The following PDGFD variants were observed in gnomAD, a reference collection of about 807,000 sequenced individuals.
PDGFD encodes platelet derived growth factor D.
Under a neutral mutation model 44.7 loss-of-function variants are expected in PDGFD, and 30 were observed. The observed-to-expected ratio is 0.67, with a 90% CI of 0.50 to 0.91. PDGFD has a LOEUF of 0.91. Ranked by LOEUF, PDGFD falls within the 40% of genes least tolerant of loss-of-function variation. The probability of loss-of-function intolerance (pLI) is 0.00; values close to 1 mark genes in which losing one functional copy is unlikely to be tolerated. For synonymous variants in PDGFD, 173 were observed against 168.4 expected (o/e 1.03, Z -0.21); for missense variants, 445 against 457.8 (o/e 0.97, Z 0.25).
At chr11:104,120,713 G>T (rs1233606745) in intron 1 of PDGFD, among the ~76,000 whole-genome samples, 1 of 151,706 alleles carries the variant, frequency 6.6e-6, no homozygotes. Context: ...CCTGCAGGGG[G>T]CCCTCCATTC....
chr11:104,117,071 T>C (rs11226177), intron 1 of PDGFD, among the ~76,000 whole-genome samples: 19,822 of 151,856 alleles, frequency 0.13, 1,426 homozygotes, highest in East Asian at 0.29. Context: ...GCAGGGATGG[T>C]TTAACATATG....
At chr11:103,960,209 A>C (rs114473927) in intron 3 of PDGFD, among the ~76,000 whole-genome samples, 1 of 152,220 alleles carries the variant, frequency 6.6e-6, no homozygotes, top group Non-Finnish European at 1.5e-5. Flanking sequence ...TGCCAAAAAA[A>C]GGATAAACTG....
chr11:103,956,639 T>C (rs1426124925), intron 3 of PDGFD, among the ~76,000 whole-genome samples: 1 of 152,012 alleles, frequency 6.6e-6, no homozygotes, highest in East Asian at 1.9e-4. Context: ...ATCGCCACAC[T>C]GACTTCCACA....
intron 1 of PDGFD, among the ~76,000 whole-genome samples, chr11:104,128,356 C>T (rs1159570674): frequency 6.6e-6 from 1 of 152,076 alleles, no homozygotes; most frequent in Non-Finnish European, 1.5e-5. Flanking sequence ...GAAATTTGTG[C>T]CCAAACACAG....
At chr11:104,094,929 C>T (rs1471439269) in intron 1 of PDGFD, among the ~76,000 whole-genome samples, 1 of 152,114 alleles carries the variant, frequency 6.6e-6, no homozygotes, top group East Asian at 1.9e-4. Flanking sequence ...CATGATGTGA[C>T]CCCTGCTAGG....
At chr11:104,034,411 T>C (rs762375972) in intron 1 of PDGFD, among the ~76,000 whole-genome samples, 1 of 152,174 alleles carries the variant, frequency 6.6e-6, no homozygotes, top group Non-Finnish European at 1.5e-5. Flanking sequence ...GAGCGAGACA[T>C]AGTCTTCCAT....
intron 3 of PDGFD, among the ~76,000 whole-genome samples, chr11:103,952,638 A>T (rs1029894334): frequency 6.6e-6 from 1 of 152,142 alleles, no homozygotes; most frequent in African/African-American, 2.4e-5. Context: ...TACAGTTAGG[A>T]CTAGGACCCA....
intron 6 of PDGFD, among the ~76,000 whole-genome samples, chr11:103,912,575 C>A (rs970393898): frequency 6.6e-6 from 1 of 152,112 alleles, no homozygotes; most frequent in Non-Finnish European, 1.5e-5. Context: ...CATCAACTAA[C>A]GGGCAAAATA....
intron 3 of PDGFD, among the ~76,000 whole-genome samples, chr11:103,958,779 T>C (rs995572663): frequency 6.6e-6 from 1 of 152,164 alleles, no homozygotes; most frequent in African/African-American, 2.4e-5. Flanking sequence ...TAGATTTTCT[T>C]CATGGTGGCC....
intron 5 of PDGFD, among the ~76,000 whole-genome samples, chr11:103,933,117 C>T (rs1858431427): frequency 6.6e-6 from 1 of 151,974 alleles, no homozygotes; most frequent in African/African-American, 2.4e-5. Flanking sequence ...GAGACAGTGC[C>T]ATAATCTGTT....
At chr11:103,931,159 T>C (rs1858393940) in intron 5 of PDGFD, among the ~76,000 whole-genome samples, 1 of 152,206 alleles carries the variant, frequency 6.6e-6, no homozygotes, top group African/African-American at 2.4e-5. Flanking sequence ...AGATAAAAAT[T>C]TAAAAATCTA....
At chr11:104,059,889 G>C (rs577135952) in intron 1 of PDGFD, among the ~76,000 whole-genome samples, 2 of 152,140 alleles carry the variant, frequency 1.3e-5, no homozygotes, top group African/African-American at 4.8e-5. Context: ...CACCTAGAAG[G>C]CTTAAACACA....
intron 1 of PDGFD, among the ~76,000 whole-genome samples, chr11:104,039,685 T>G (rs865924506): frequency 3.9e-5 from 6 of 152,102 alleles, no homozygotes; most frequent in South Asian, 4.2e-4. Context: ...CAAATGCAAT[T>G]AACAAAAAAA....
At chr11:103,931,687 A>G (rs928764796) in intron 5 of PDGFD, among the ~76,000 whole-genome samples, 3 of 152,090 alleles carry the variant, frequency 2.0e-5, no homozygotes, top group Non-Finnish European at 4.4e-5. Flanking sequence ...CCCAGGTTTA[A>G]GCAATTCTCC....
At chr11:104,044,555 T>A (rs976970274) in intron 1 of PDGFD, among the ~76,000 whole-genome samples, 1 of 152,218 alleles carries the variant, frequency 6.6e-6, no homozygotes, top group Non-Finnish European at 1.5e-5. Flanking sequence ...ATAATTAGAA[T>A]AAATATGCTA....
chr11:104,030,531 A>AAC (rs1423681086), intron 1 of PDGFD, among the ~76,000 whole-genome samples: 2 of 152,222 alleles, frequency 1.3e-5, no homozygotes, highest in Non-Finnish European at 2.9e-5. Context: ...ACCAAAAAGA[A>AAC]ACACAGCATT....
intron 3 of PDGFD, among the ~76,000 whole-genome samples, chr11:103,986,153 G>C (rs1466128276): frequency 6.6e-6 from 1 of 152,194 alleles, no homozygotes; most frequent in Non-Finnish European, 1.5e-5. Flanking sequence ...ATTTAGGACA[G>C]TTGTTTTCAA....
At chr11:103,919,341 A>C (rs1051868275) in intron 6 of PDGFD, among the ~76,000 whole-genome samples, 1 of 152,150 alleles carries the variant, frequency 6.6e-6, no homozygotes, top group Non-Finnish European at 1.5e-5. Flanking sequence ...CAGGCAGAAA[A>C]GCTATCTGCT....
intron 6 of PDGFD, among the ~76,000 whole-genome samples, chr11:103,924,802 T>C (rs886180271): frequency 2.6e-5 from 4 of 152,294 alleles, no homozygotes; most frequent in African/African-American, 9.6e-5. Flanking sequence ...TCCTTTGTTG[T>C]GGTGGACACT....
Sources: gnomAD v4.1 joint callset for allele counts (sites outside exome capture counted in the v4.1 genomes callset) on GRCh38, gnomAD v4.1.1 for gene constraint, MANE v1.5 for transcripts, NCBI Gene and HGNC (gene_info 2026-07-23, HGNC 2026-07-21) for gene names.